The following CHN2 variants were observed in gnomAD, a reference collection of about 807,000 sequenced individuals.
The protein encoded by CHN2 is beta-chimaerin.
In CHN2, 35 loss-of-function variants were observed where a neutral mutation model predicts 56.3. That is an observed-to-expected ratio of 0.62 (90% CI 0.47 to 0.82). The LOEUF (loss-of-function observed/expected upper bound fraction) is 0.82. Ranked by LOEUF, CHN2 falls within the 40% of genes least tolerant of loss-of-function variation. The pLI is 0.00. For synonymous variants in CHN2, 210 were observed against 212.8 expected, an observed-to-expected ratio of 0.99 and a Z score of 0.12; for missense variants, 491 against 580.5, an observed-to-expected ratio of 0.85 and a Z score of 1.58.
intron 1 of CHN2, among the ~76,000 whole-genome samples, chr7:29,272,172 G>A (rs778739683): frequency 5.9e-5 from 9 of 152,076 alleles, no homozygotes; most frequent in Admixed American, 1.3e-4. Context: ...CTCCTGCCCC[G>A]TGACAGACAC....
At chr7:29,414,120 T>C (rs1465819201) in intron 6 of CHN2, among the ~76,000 whole-genome samples, 5 of 152,148 alleles carry the variant, frequency 3.3e-5, no homozygotes, top group Admixed American at 6.5e-5. Context: ...GAGTCTGAAA[T>C]GTGAGTCTTC....
chr7:29,405,714 A>C (rs58845811), intron 6 of CHN2, among the ~76,000 whole-genome samples: 1 of 152,142 alleles, frequency 6.6e-6, no homozygotes, highest in Non-Finnish European at 1.5e-5. Flanking sequence ...GAACTGTTTC[A>C]TCAGAGAACA....
At chr7:29,316,089 C>CA (rs1424341179) in intron 1 of CHN2, among the ~76,000 whole-genome samples, 1 of 152,182 alleles carries the variant, frequency 6.6e-6, no homozygotes, top group East Asian at 1.9e-4. Flanking sequence ...ACGCAGCTGT[C>CA]AAATGGACAG....
chr7:29,185,477 A>C (rs1048005080), intron 2 of CHN2: 1 of 152,164 alleles, frequency 6.6e-6, no homozygotes, highest in Non-Finnish European at 1.5e-5. Flanking sequence ...ACCAGAGACA[A>C]TCCCGGCAAA....
chr7:29,480,753 C>G (rs1020122961), intron 7 of CHN2, among the ~76,000 whole-genome samples: 2 of 152,200 alleles, frequency 1.3e-5, no homozygotes, highest in African/African-American at 4.8e-5. Flanking sequence ...AAAACAGTTG[C>G]CTGTTTCTCG....
chr7:29,436,543 A>G (rs190314968), intron 6 of CHN2, among the ~76,000 whole-genome samples: 13 of 152,204 alleles, frequency 8.5e-5, no homozygotes, highest in Non-Finnish European at 1.0e-4. Context: ...GGCTATGTGA[A>G]GGGCACCCTG....
intron 10 of CHN2, 59 bp from the exon 11 acceptor site, chr7:29,507,169 G>A: frequency 7.5e-7 from 1 of 1,335,100 alleles, no homozygotes; most frequent in Non-Finnish European, 1.0e-6. Context: ...TTTCCTTTCT[G>A]TACATGCCTT....
Position 29,473,935 on chromosome 7 carries a change from A to G in CHN2, c.577-6344A>G, listed in dbSNP as rs367987496. On this transcript the variant is annotated intron_variant, in intron 6 of 12. Transcript: ENST00000222792. ...AATATACTTTAAAAATCATTTTTATATAATGGAATAAGAACATAGTCATTG... is the reference window on the plus strand; with the variant it reads ...AATATACTTTAAAAATCATTTTTATGTAATGGAATAAGAACATAGTCATTG... 1.2e-4 allele frequency among the ~76,000 whole-genome samples: 18 copies of G among 152,320 alleles called. No individual in the cohort carries two copies. In the East Asian group the frequency reaches 1.7e-3, roughly 15 times the overall value.
At chr7:29,374,796 CTTTA>C in intron 3 of CHN2, among the ~76,000 whole-genome samples, 1 of 149,102 alleles carries the variant, frequency 6.7e-6, no homozygotes, top group Non-Finnish European at 1.5e-5. Context: ...ATTTTTATTT[CTTTA>C]TTTCCTTCCT....
intron 1 of CHN2, among the ~76,000 whole-genome samples, chr7:29,354,024 C>CT (rs755015936): frequency 6.6e-6 from 1 of 152,330 alleles, no homozygotes; most frequent in South Asian, 2.1e-4. Context: ...TGTTGTAACT[C>CT]TGTCAGTCTG....
intron 11 of CHN2, among the ~76,000 whole-genome samples, chr7:29,507,789 C>A (rs1420141): frequency 0.19 from 29,046 of 152,100 alleles, 2,921 homozygotes; most frequent in South Asian, 0.24. Flanking sequence ...TTAATGATAG[C>A]TTTAATGATA....
At chr7:29,386,726 A>G (rs984725586) in intron 3 of CHN2, among the ~76,000 whole-genome samples, 1 of 152,230 alleles carries the variant, frequency 6.6e-6, no homozygotes, top group Non-Finnish European at 1.5e-5. Context: ...ATTGGGAAAT[A>G]AACCAGGTAG....
In CHN2 at chr7:29,323,565, G is replaced by T. The variant is rs372616037; in HGVS notation, c.50-31060G>T. 9.2e-5 allele frequency among the ~76,000 whole-genome samples: 14 copies of T among 152,198 alleles called. No individual in the cohort carries two copies. The East Asian group carries it at 2.1e-3, about 23-fold the overall frequency. On this transcript the variant is annotated intron_variant, in intron 1 of 12. Coordinates refer to ENST00000222792, the MANE Select transcript of CHN2 (RefSeq NM_004067.4). ...TAAAGTGCTTAATAGACATGAGGCC[G>T]CCTCGCCACGTGGGAGATGGAGTTC...
At chr7:29,161,767 T>A (rs1010771724) in intron 2 of CHN2, among the ~76,000 whole-genome samples, 10 of 152,194 alleles carry the variant, frequency 6.6e-5, no homozygotes, top group African/African-American at 2.4e-4. Flanking sequence ...GAAGAAAATA[T>A]TTGCAAATCA....
At chr7:29,226,443 G>T (rs1054036726) in intron 1 of CHN2, among the ~76,000 whole-genome samples, 3 of 152,076 alleles carry the variant, frequency 2.0e-5, no homozygotes, top group African/African-American at 4.8e-5. Context: ...AATATTTCCT[G>T]CCATGAAGAC....
intron 2 of CHN2, among the ~76,000 whole-genome samples, chr7:29,153,413 A>G (rs1485270184): frequency 6.6e-6 from 1 of 151,764 alleles, no homozygotes; most frequent in African/African-American, 2.4e-5. Flanking sequence ...CCACCTCTCT[A>G]CCTTTTCTGG....
At chr7:29,446,031 G>C (rs1042411384) in intron 6 of CHN2, among the ~76,000 whole-genome samples, 2 of 152,168 alleles carry the variant, frequency 1.3e-5, no homozygotes, top group African/African-American at 4.8e-5. Flanking sequence ...CATCATCTGG[G>C]AGCTTCTAAA....
chr7:29,308,024 TTAAA>T (rs1345487534), intron 1 of CHN2, among the ~76,000 whole-genome samples: 1 of 152,232 alleles, frequency 6.6e-6, no homozygotes, highest in African/African-American at 2.4e-5. Flanking sequence ...TTTGGTCATT[TTAAA>T]TAAATCAGCT....
chr7:29,226,755 G>T (rs921604497), intron 1 of CHN2, among the ~76,000 whole-genome samples: 1 of 152,180 alleles, frequency 6.6e-6, no homozygotes, highest in African/African-American at 2.4e-5. Flanking sequence ...TGTCTTCCAT[G>T]TATGCCCCAA....
Sources: allele counts gnomAD v4.1 joint callset (sites outside exome capture counted in the v4.1 genomes callset), GRCh38; gene constraint gnomAD v4.1.1; transcripts MANE v1.5; gene names NCBI Gene and HGNC (gene_info 2026-07-23, HGNC 2026-07-21).